Variants in CAMTA1 observed in about 807,000 individuals in gnomAD.
The protein encoded by CAMTA1 is calmodulin-binding transcription activator 1.
In CAMTA1, 27 loss-of-function variants were observed where a neutral mutation model predicts 170.9. The ratio of observed to expected loss-of-function variants is 0.16; its 90% CI spans 0.12 to 0.22. The LOEUF (loss-of-function observed/expected upper bound fraction) is 0.22. Among genes scored for constraint, CAMTA1 ranks in the 10% least tolerant of loss-of-function variants. The probability of loss-of-function intolerance (pLI) is 1.00; values close to 1 mark genes in which losing one functional copy is unlikely to be tolerated. For missense variants in CAMTA1, 1,619 were observed against 2,217.2 expected, an observed-to-expected ratio of 0.73 and a Z score of 5.42; for synonymous variants, 833 against 891.5, an observed-to-expected ratio of 0.93 and a Z score of 1.17.
At chr1:7,208,232 G>T (rs1229903772) in intron 4 of CAMTA1, among the ~76,000 whole-genome samples, 1 of 152,232 alleles carries the variant, frequency 6.6e-6, no homozygotes, top group Non-Finnish European at 1.5e-5. Context: ...CAGACAAACT[G>T]ATCCAGGCTC....
chr1:7,693,926 A>C (rs1576935121), intron 11 of CAMTA1: 1 of 152,028 alleles, frequency 6.6e-6, no homozygotes, highest in African/African-American at 2.4e-5. Flanking sequence ...CCTACCCTAA[A>C]CCTATCCAGT....
intron 1 of CAMTA1, among the ~76,000 whole-genome samples, chr1:6,805,702 CTATAT>C (rs1404122491): frequency 6.6e-6 from 1 of 152,026 alleles, no homozygotes; most frequent in African/African-American, 2.4e-5. Flanking sequence ...AACGGAGTCT[CTATAT>C]TATATTATGC....
intron 3 of CAMTA1, among the ~76,000 whole-genome samples, chr1:6,958,481 C>T (rs894554425): frequency 5.3e-5 from 8 of 152,172 alleles, no homozygotes; most frequent in Non-Finnish European, 8.8e-5. Flanking sequence ...CCAGGCATCT[C>T]CCTGGACCTG....
chr1:7,697,192 G>A (rs888371787), intron 11 of CAMTA1, among the ~76,000 whole-genome samples: 1 of 152,206 alleles, frequency 6.6e-6, no homozygotes, highest in African/African-American at 2.4e-5. Flanking sequence ...AAGATCTGGA[G>A]CACATCCTGA....
At chr1:7,389,666 T>A (rs1269701952) in intron 5 of CAMTA1, 1 of 152,088 alleles carries the variant, frequency 6.6e-6, no homozygotes, top group Non-Finnish European at 1.5e-5. Flanking sequence ...TACTGTAGGG[T>A]GTGGGGGTAG....
intron 5 of CAMTA1, among the ~76,000 whole-genome samples, chr1:7,360,574 C>A (rs2085465387): frequency 6.6e-6 from 1 of 152,202 alleles, no homozygotes; most frequent in Non-Finnish European, 1.5e-5. Flanking sequence ...CAAATGAGGT[C>A]AAAGATGACA....
intron 3 of CAMTA1, among the ~76,000 whole-genome samples, chr1:6,840,281 T>C (rs1358583732): frequency 6.6e-6 from 1 of 152,182 alleles, no homozygotes; most frequent in East Asian, 1.9e-4. Context: ...AGCAACATAA[T>C]ATGAAGCTTT....
chr1:7,758,390 T>C (rs151057635), intron 22 of CAMTA1, among the ~76,000 whole-genome samples: 25 of 152,340 alleles, frequency 1.6e-4, no homozygotes, highest in African/African-American at 6.0e-4. Flanking sequence ...CCTCACGACA[T>C]CTATGCAAGT....
intron 11 of CAMTA1, among the ~76,000 whole-genome samples, chr1:7,730,340 G>C (rs564588308): frequency 6.6e-6 from 1 of 152,134 alleles, no homozygotes; most frequent in African/African-American, 2.4e-5. Flanking sequence ...CCAGCCACAC[G>C]GTCTTCTGCT....
chr1:7,523,549 A>G (rs558742712), intron 6 of CAMTA1, among the ~76,000 whole-genome samples: 2 of 152,236 alleles, frequency 1.3e-5, no homozygotes, highest in Non-Finnish European at 2.9e-5. Flanking sequence ...TTCAGTATAC[A>G]AATTCTGTAC....
At chr1:7,177,323 T>TG (rs1651061113) in intron 4 of CAMTA1, among the ~76,000 whole-genome samples, 1 of 142,698 alleles carries the variant, frequency 7.0e-6, no homozygotes, top group Non-Finnish European at 1.5e-5. Context: ...TTGAGGTATC[T>TG]CCCACACACT....
intron 4 of CAMTA1, among the ~76,000 whole-genome samples, chr1:7,233,289 G>A (rs999241428): frequency 4.6e-5 from 7 of 152,172 alleles, no homozygotes; most frequent in South Asian, 2.1e-4. Context: ...GACTTTGGCC[G>A]GAGGAGACTG....
chr1:6,954,629 AG>A (rs943101060), intron 3 of CAMTA1, among the ~76,000 whole-genome samples: 2 of 152,324 alleles, frequency 1.3e-5, no homozygotes, highest in African/African-American at 4.8e-5. Flanking sequence ...AAAGACTCTC[AG>A]AGGTTAAGGC....
chr1:7,612,485 C>T (rs2095530566), intron 6 of CAMTA1, among the ~76,000 whole-genome samples: 1 of 152,188 alleles, frequency 6.6e-6, no homozygotes, highest in African/African-American at 2.4e-5. Flanking sequence ...GATAGGAGGG[C>T]ACGGTGGGCT....
At chr1:7,391,974 AC>A (rs2088766776) in intron 5 of CAMTA1, among the ~76,000 whole-genome samples, 1 of 152,218 alleles carries the variant, frequency 6.6e-6, no homozygotes, top group African/African-American at 2.4e-5. Context: ...ACATTTGCAT[AC>A]AGGTTTTGGT....
rs578116449 is a variant in CAMTA1, at chr1:7,513,206, C to A, written c.510+45305C>A. Among the ~76,000 whole-genome samples the A allele has an allele frequency of 2.0e-5, 3 of 152,198 alleles. No individual in the cohort carries two copies. In the South Asian group the frequency reaches 6.2e-4, roughly 32 times the overall value. On this transcript the variant is annotated intron_variant, in intron 6 of 22. Transcript: ENST00000303635. ...GTGGGGAGAAGCGGCCGATTCTGGG[C>A]AGATTCAGAGGTCAAGCCACCGGCC...
rs547630871 is a variant in CAMTA1 at position 7,753,778 on chromosome 1, A to G, written c.4958+1245A>G. Among the ~76,000 whole-genome samples, 9 of 152,236 alleles carry G rather than the reference A, an allele frequency of 5.9e-5. No individual in the cohort carries two copies. In the South Asian group the frequency reaches 1.7e-3, roughly 28 times the overall value. ...TGATGCCATGCAGAAGCTAATGTTC[A>G]CTCGCCCTGTGCCTCAGCAACATTT... On this transcript the variant is annotated intron_variant, in intron 21 of 22. Transcript: ENST00000303635.
At chr1:6,929,149 GTTCTT>G (rs1003952289) in intron 3 of CAMTA1, among the ~76,000 whole-genome samples, 52 of 152,256 alleles carry the variant, frequency 3.4e-4, no homozygotes, top group Admixed American at 1.2e-3. Flanking sequence ...ATAAAGAACA[GTTCTT>G]TTCTTTTCTT....
At chr1:6,903,271 A>C (rs1296079679) in intron 3 of CAMTA1, among the ~76,000 whole-genome samples, 1 of 152,208 alleles carries the variant, frequency 6.6e-6, no homozygotes, top group Non-Finnish European at 1.5e-5. Flanking sequence ...GGAAAGAGGC[A>C]AGGAAGGTTT....
Sources: gnomAD v4.1 joint callset for allele counts (sites outside exome capture counted in the v4.1 genomes callset) on GRCh38, gnomAD v4.1.1 for gene constraint, MANE v1.5 for transcripts, NCBI Gene and HGNC (gene_info 2026-07-23, HGNC 2026-07-21) for gene names.